Variants in CTNND2 observed in about 807,000 individuals in gnomAD.
The protein encoded by CTNND2 is catenin delta-2.
A neutral mutation model predicts 144.4 loss-of-function variants in CTNND2; 22 were observed. The observed-to-expected ratio is 0.15, with a 90% CI of 0.11 to 0.22. The LOEUF (loss-of-function observed/expected upper bound fraction) is 0.22. Ranked by LOEUF, CTNND2 falls within the 10% of genes least tolerant of loss-of-function variation. The pLI, the probability that CTNND2 is intolerant of heterozygous loss-of-function variation, is 1.00. For missense variants in CTNND2, 1,353 were observed against 1,618.8 expected (o/e 0.84, Z 2.82); for synonymous variants, 751 against 695.6 (o/e 1.08, Z -1.25).
chr5:11,211,929 A>G (rs980573734), intron 10 of CTNND2, among the ~76,000 whole-genome samples: 16 of 152,332 alleles, frequency 1.1e-4, no homozygotes, highest in Admixed American at 1.0e-3. Flanking sequence ...TTAATTTTAA[A>G]TTAAAAATAT....
At chr5:11,686,281 T>C (rs1307887948) in intron 2 of CTNND2, among the ~76,000 whole-genome samples, 1 of 151,968 alleles carries the variant, frequency 6.6e-6, no homozygotes, top group African/African-American at 2.4e-5. Context: ...GAAAATTCTA[T>C]AGTACAAAAG....
At chr5:11,445,153 T>G (rs1329069723) in intron 3 of CTNND2, among the ~76,000 whole-genome samples, 1 of 152,188 alleles carries the variant, frequency 6.6e-6, no homozygotes, top group East Asian at 1.9e-4. Flanking sequence ...GGAGGATCTT[T>G]CCTTTTCCCT....
intron 1 of CTNND2, among the ~76,000 whole-genome samples, chr5:11,797,050 G>T (rs923833091): frequency 1.3e-5 from 2 of 152,132 alleles, no homozygotes; most frequent in African/African-American, 4.8e-5. Flanking sequence ...AAAAAGGCAA[G>T]TATCAGGGAA....
At chr5:11,486,897 G>T (rs1768884550) in intron 3 of CTNND2, among the ~76,000 whole-genome samples, 1 of 152,058 alleles carries the variant, frequency 6.6e-6, no homozygotes, top group African/African-American at 2.4e-5. Flanking sequence ...TAAATAGTTT[G>T]AAATATAGTT....
intron 9 of CTNND2, among the ~76,000 whole-genome samples, chr5:11,280,231 A>T (rs1311980171): frequency 6.6e-6 from 1 of 152,256 alleles, no homozygotes; most frequent in East Asian, 1.9e-4. Context: ...ACAGAGACAC[A>T]GGACAGAAAG....
At chr5:11,881,899 A>G (rs758770623) in intron 1 of CTNND2, among the ~76,000 whole-genome samples, 1 of 151,836 alleles carries the variant, frequency 6.6e-6, no homozygotes, top group Non-Finnish European at 1.5e-5. Flanking sequence ...AGCATTTGTT[A>G]TATTTTTTCT....
intron 1 of CTNND2, among the ~76,000 whole-genome samples, chr5:11,837,585 G>A (rs1404902803): frequency 6.6e-6 from 1 of 152,220 alleles, no homozygotes; most frequent in East Asian, 1.9e-4. Flanking sequence ...GTTTTAAGAA[G>A]ATGGATCTGC....
chr5:11,680,083 C>A (rs1784359557), intron 2 of CTNND2, among the ~76,000 whole-genome samples: 1 of 152,022 alleles, frequency 6.6e-6, no homozygotes, highest in Non-Finnish European at 1.5e-5. Flanking sequence ...ACGTGGGTGG[C>A]AGGAGTGAGG....
intron 9 of CTNND2, among the ~76,000 whole-genome samples, chr5:11,340,632 T>C (rs1334692657): frequency 6.6e-6 from 1 of 152,230 alleles, no homozygotes; most frequent in Non-Finnish European, 1.5e-5. Flanking sequence ...GAATGTAAAG[T>C]TCTTCATTTA....
At chr5:11,117,296 G>A (rs181945091) in intron 13 of CTNND2, among the ~76,000 whole-genome samples, 154 bp downstream of exon 13, 119 of 152,306 alleles carry the variant, frequency 7.8e-4, no homozygotes, top group African/African-American at 2.8e-3. Flanking sequence ...TAGAAGCCCA[G>A]TCTAAAAGTG....
intron 2 of CTNND2, among the ~76,000 whole-genome samples, chr5:11,608,965 T>C (rs1351251028): frequency 6.6e-6 from 1 of 152,132 alleles, no homozygotes; most frequent in East Asian, 1.9e-4. Flanking sequence ...GCCCCAGCCA[T>C]ATGGCATTTT....
chr5:10,981,796 C>T lies in CTNND2; in HGVS notation c.3394G>A (p.Ala1132Thr), dbSNP rs753111084. 5.1e-5 allele frequency: 83 copies of T among 1,613,642 alleles called. No homozygotes were observed. The highest frequency in any genetic ancestry group is 3.0e-4 in the Admixed American group (18 of 59,940). The part of the protein sequence containing the change: ...TLYRNSYGAP[A>T]EDIKHNQVSA... ...ACCTGGTTGTGTTTGATGTCTTCAG[C>T]GGGCGCACCATAAGAATTCCTATAC... Residue 1132 changes from alanine to threonine, a missense_variant, in exon 21 of 22, where the codon GCT becomes ACT. Ala to Thr is a moderately conservative substitution (Grantham distance 58). Around this residue, in one of 4 missense-constraint regions of CTNND2, gnomAD observed 459 missense variants for 674.3 expected, o/e 0.68. Coordinates refer to ENST00000304623, the MANE Select transcript of CTNND2 (RefSeq NM_001332.4).
At chr5:11,527,971 GTAAA>G (rs1561517341) in intron 3 of CTNND2, among the ~76,000 whole-genome samples, 1 of 152,182 alleles carries the variant, frequency 6.6e-6, no homozygotes, top group Non-Finnish European at 1.5e-5. Flanking sequence ...CTTTGGAAAA[GTAAA>G]TAAACTAGAA....
At chr5:11,871,858 T>C (rs889132547) in intron 1 of CTNND2, among the ~76,000 whole-genome samples, 1 of 152,150 alleles carries the variant, frequency 6.6e-6, no homozygotes, top group East Asian at 1.9e-4. Flanking sequence ...ATTACATAGT[T>C]TTAGGGGGAG....
intron 9 of CTNND2, among the ~76,000 whole-genome samples, chr5:11,326,972 T>C (rs1052109437): frequency 1.3e-5 from 2 of 152,196 alleles, no homozygotes; most frequent in African/African-American, 4.8e-5. Flanking sequence ...CTTACATCTG[T>C]CTGTGCATTG....
chr5:11,481,180 A>G (rs1768230614), intron 3 of CTNND2, among the ~76,000 whole-genome samples: 1 of 152,186 alleles, frequency 6.6e-6, no homozygotes, highest in Non-Finnish European at 1.5e-5. Flanking sequence ...GTGGGATCAG[A>G]AAACAAACAC....
At chr5:11,184,510 T>C (rs543808241) in intron 11 of CTNND2, among the ~76,000 whole-genome samples, 111 of 152,288 alleles carry the variant, frequency 7.3e-4, no homozygotes, top group Admixed American at 8.5e-4. Flanking sequence ...TTAACTAATA[T>C]GTATCATAAT....
At chr5:11,066,496 C>A (rs903381102) in intron 16 of CTNND2, among the ~76,000 whole-genome samples, 3 of 151,634 alleles carry the variant, frequency 2.0e-5, no homozygotes, top group African/African-American at 7.3e-5. Flanking sequence ...CCAACCACCC[C>A]CTGCACTTTG....
intron 10 of CTNND2, among the ~76,000 whole-genome samples, chr5:11,214,613 C>A (rs1366058384): frequency 6.6e-6 from 1 of 152,184 alleles, no homozygotes; most frequent in East Asian, 1.9e-4. Flanking sequence ...ATGTTGATCA[C>A]TGCTCAAAAT....
Sources: allele counts gnomAD v4.1 joint callset (sites outside exome capture counted in the v4.1 genomes callset), GRCh38; gene constraint gnomAD v4.1.1; regional missense constraint gnomAD v4.1.1; transcripts MANE v1.5; gene names NCBI Gene and HGNC (gene_info 2026-07-23, HGNC 2026-07-21).